The following THRB variants were observed in gnomAD, a reference collection of about 807,000 sequenced individuals.
THRB encodes the protein nuclear receptor subfamily 1 group A member 2.
Under a neutral mutation model 47.8 loss-of-function variants are expected in THRB, and 12 were observed. That is an observed-to-expected ratio of 0.25 (90% CI 0.16 to 0.41). The LOEUF is 0.41. Among genes scored for constraint, THRB ranks in the 10% least tolerant of loss-of-function variants. THRB has a pLI of 1.00. For synonymous variants in THRB, 218 were observed against 212.2 expected (o/e 1.03, Z -0.24); for missense variants, 348 against 589.2 (o/e 0.59, Z 4.24).
chr3:24,276,959 A>G (rs1258973517), intron 3 of THRB, among the ~76,000 whole-genome samples: 1 of 150,574 alleles, frequency 6.6e-6, no homozygotes, highest in Non-Finnish European at 1.5e-5. Flanking sequence ...CAAACTTCAA[A>G]ATAAAAAACT....
chr3:24,471,528 T>G (rs551742846), intron 1 of THRB, among the ~76,000 whole-genome samples: 5 of 152,318 alleles, frequency 3.3e-5, no homozygotes, highest in South Asian at 4.1e-4. Context: ...GACCCACCAT[T>G]CCAGTCCCTC....
chr3:24,456,079 A>T (rs2073144192), intron 1 of THRB, among the ~76,000 whole-genome samples: 1 of 152,026 alleles, frequency 6.6e-6, no homozygotes, highest in Non-Finnish European at 1.5e-5. Flanking sequence ...CTATTATCCC[A>T]GCACTTTGGG....
At chr3:24,371,070 A>G (rs1036475125) in intron 1 of THRB, among the ~76,000 whole-genome samples, 2 of 152,152 alleles carry the variant, frequency 1.3e-5, no homozygotes, top group Admixed American at 6.6e-5. Context: ...CCAGCAGGCA[A>G]CAGAGCTGGA....
intron 4 of THRB, among the ~76,000 whole-genome samples, chr3:24,202,967 A>G (rs2044775211): frequency 6.6e-6 from 1 of 152,230 alleles, no homozygotes; most frequent in African/African-American, 2.4e-5. Flanking sequence ...GGATGGGTCA[A>G]CTGGCCTGAT....
At position 24,258,594 on chromosome 3, in the gene THRB, CT is replaced by C. The variant is rs552205909; in HGVS notation, c.-42-29594del. On this transcript the variant is annotated intron_variant, in intron 3 of 10. Coordinates refer to ENST00000646209, the MANE Select transcript of THRB (RefSeq NM_001354712.2). Reference sequence around the variant, plus strand: ...AAGCATGCAGGTGGGGCCATCTCATCTGCTTTTGTGTTGAGTACAGATGTAT... The same window carrying C: ...AAGCATGCAGGTGGGGCCATCTCATCGCTTTTGTGTTGAGTACAGATGTAT... Among the ~76,000 whole-genome samples, 12 of 152,272 alleles carry C rather than the reference CT, an allele frequency of 7.9e-5. No homozygotes were observed. The South Asian group carries it at 2.1e-3, about 26-fold the overall frequency.
chr3:24,434,267 A>T (rs895554781), intron 1 of THRB, among the ~76,000 whole-genome samples: 1 of 152,148 alleles, frequency 6.6e-6, no homozygotes, highest in Non-Finnish European at 1.5e-5. Flanking sequence ...GTCCATATAG[A>T]TTTGCCTTGG....
At chr3:24,310,245 A>G (rs761807805) in intron 2 of THRB, among the ~76,000 whole-genome samples, 1 of 152,246 alleles carries the variant, frequency 6.6e-6, no homozygotes, top group Admixed American at 6.5e-5. Context: ...CATGTGACTT[A>G]TATATTGTTT....
rs901402660 is a variant in THRB at position 24,262,481 on chromosome 3, C to T, written c.-42-33480G>A. Among the ~76,000 whole-genome samples the T allele has an allele frequency of 2.6e-5, 4 of 152,328 alleles. No homozygotes were observed. The East Asian group carries it at 7.7e-4, about 29-fold the overall frequency. ...CTTGGGGTAAAAACCAAGTTCCCCA[C>T]TCCCTCTGATTGTGTCTTCAGCTGT... is the stretch of plus-strand genomic sequence containing the variant. On this transcript the variant is annotated intron_variant, in intron 3 of 10. Coordinates refer to ENST00000646209, the MANE Select transcript of THRB (RefSeq NM_001354712.2).
intron 2 of THRB, among the ~76,000 whole-genome samples, chr3:24,304,464 A>T (rs2057190039): frequency 1.3e-5 from 2 of 152,124 alleles, no homozygotes; most frequent in African/African-American, 4.8e-5. Context: ...AATTAAAATC[A>T]TAAGCTATCT....
chr3:24,208,716 G>T (rs548506075), intron 4 of THRB, among the ~76,000 whole-genome samples: 13 of 152,250 alleles, frequency 8.5e-5, no homozygotes, highest in South Asian at 8.3e-4. Context: ...GATTAAAGAC[G>T]TAAATGTTAG....
intron 3 of THRB, among the ~76,000 whole-genome samples, chr3:24,259,496 A>G (rs748552083): frequency 6.6e-6 from 1 of 151,870 alleles, no homozygotes; most frequent in Non-Finnish European, 1.5e-5. Flanking sequence ...CCGCCTTAAG[A>G]CTCCTGGGAG....
chr3:24,205,842 G>A (rs756126398), intron 4 of THRB, among the ~76,000 whole-genome samples: 12 of 152,110 alleles, frequency 7.9e-5, no homozygotes, highest in African/African-American at 2.9e-4. Context: ...AAAGGCAGAG[G>A]TTGCAATCCT....
intron 3 of THRB, among the ~76,000 whole-genome samples, chr3:24,296,675 T>C (rs1335581029): frequency 6.6e-6 from 1 of 152,220 alleles, no homozygotes; most frequent in Non-Finnish European, 1.5e-5. Flanking sequence ...TCCTCCTTTC[T>C]GGTGAGCCGG....
Position 24,143,713 on chromosome 3 carries a change from G to T in THRB, c.533-7C>A. 1 of 1,614,000 alleles carries T rather than the reference G, an allele frequency of 6.2e-7. No individual in the cohort carries two copies. Among genetic ancestry groups the T allele is most frequent in the South Asian group, 1.1e-5 (1 of 91,076 alleles). On this transcript the variant is annotated splice_region_variant and splice_polypyrimidine_tract_variant and intron_variant, in intron 7 of 10. Transcript: ENST00000646209. Reference sequence around the variant, plus strand: ...TTGCTGTCATCCAGCACCACTGGGAGGGGGAGAAAGATGAGACAAGGCACA... The same window carrying T: ...TTGCTGTCATCCAGCACCACTGGGATGGGGAGAAAGATGAGACAAGGCACA...
chr3:24,468,045 T>G (rs2074287864), intron 1 of THRB, among the ~76,000 whole-genome samples: 1 of 152,254 alleles, frequency 6.6e-6, no homozygotes, highest in South Asian at 2.1e-4. Context: ...GATAATTTGC[T>G]GCAGTTTCCA....
intron 1 of THRB, among the ~76,000 whole-genome samples, chr3:24,351,162 C>G (rs1184216085): frequency 2.0e-5 from 3 of 151,814 alleles, no homozygotes; most frequent in Non-Finnish European, 4.4e-5. Context: ...TTTTTCTCTT[C>G]CCATTGGCTT....
At position 24,206,615 on chromosome 3, in the gene THRB, A is replaced by G. The variant is rs140737322; in HGVS notation, c.23-16281T>C. Reference sequence around the variant, plus strand: ...AACTAGGAGAAGCAAGAGCAGACACATTGAAAAGCTAGCAGAAGGCAAGAA... The same window carrying G: ...AACTAGGAGAAGCAAGAGCAGACACGTTGAAAAGCTAGCAGAAGGCAAGAA... On this transcript the variant is annotated intron_variant, in intron 4 of 10. Coordinates refer to ENST00000646209, the MANE Select transcript of THRB (RefSeq NM_001354712.2). 6.2e-3 allele frequency among the ~76,000 whole-genome samples: 941 copies of G among 152,360 alleles called. 7 individuals are homozygous for G. Among genetic ancestry groups the G allele is most frequent in the Non-Finnish European group, 9.6e-3 (652 of 68,042 alleles).
At chr3:24,237,555 C>G (rs1013680516) in intron 3 of THRB, among the ~76,000 whole-genome samples, 2 of 152,158 alleles carry the variant, frequency 1.3e-5, no homozygotes, top group Non-Finnish European at 2.9e-5. Context: ...CTCTTCCCCT[C>G]TCCTTTTCCA....
At chr3:24,444,859 C>T (rs937872553) in intron 1 of THRB, among the ~76,000 whole-genome samples, 1 of 152,176 alleles carries the variant, frequency 6.6e-6, no homozygotes, top group Non-Finnish European at 1.5e-5. Flanking sequence ...GCTGGGATTA[C>T]AGGCATGAGG....
Sources: allele counts gnomAD v4.1 joint callset (sites outside exome capture counted in the v4.1 genomes callset), GRCh38; gene constraint gnomAD v4.1.1; transcripts MANE v1.5; gene names NCBI Gene and HGNC (gene_info 2026-07-23, HGNC 2026-07-21).